SCHIP1: variants seen among roughly 807,000 people sequenced by gnomAD.
SCHIP1 encodes schwannomin interacting protein 1.
SCHIP1 carries 8 observed loss-of-function variants against 29.7 expected under a neutral mutation model. That is an observed-to-expected ratio of 0.27 (90% CI 0.16 to 0.49). SCHIP1 has a LOEUF of 0.49. SCHIP1 is among the 20% of genes least tolerant of loss of function. The pLI, the probability that SCHIP1 is intolerant of heterozygous loss-of-function variation, is 0.99. For synonymous variants in SCHIP1, 76 were observed against 94.9 expected (o/e 0.80, Z 1.16); for missense variants, 193 against 294.6 (o/e 0.66, Z 2.52).
the SCHIP1 span, among the ~76,000 whole-genome samples, chr3:159,449,575 A>G: frequency 6.6e-6 from 1 of 152,206 alleles, no homozygotes; most frequent in Non-Finnish European, 1.5e-5. Flanking sequence ...TTATATGGAT[A>G]AGAAAAGGCC....
At chr3:159,685,927 T>C in the SCHIP1 span, among the ~76,000 whole-genome samples, 5 of 152,104 alleles carry the variant, frequency 3.3e-5, no homozygotes, top group Admixed American at 1.3e-4. Context: ...CAAGAATAAA[T>C]GAGAGCACAG....
the SCHIP1 span, among the ~76,000 whole-genome samples, chr3:159,799,582 G>A: frequency 6.6e-6 from 1 of 152,204 alleles, no homozygotes; most frequent in Non-Finnish European, 1.5e-5. Flanking sequence ...AGGTTTAAGT[G>A]TGATAATAAG....
the SCHIP1 span, among the ~76,000 whole-genome samples, chr3:159,303,476 AAAAG>A: frequency 6.6e-6 from 1 of 151,746 alleles, no homozygotes; most frequent in African/African-American, 2.4e-5. Flanking sequence ...CAAAGAAAAG[AAAAG>A]AAAGAGAAAG....
the SCHIP1 span, among the ~76,000 whole-genome samples, chr3:159,598,407 A>T: frequency 1.3e-5 from 2 of 152,212 alleles, no homozygotes; most frequent in East Asian, 3.9e-4. Flanking sequence ...GGCATTGGAT[A>T]AATGCTCCTG....
the SCHIP1 span, among the ~76,000 whole-genome samples, chr3:159,494,854 T>G: frequency 6.6e-6 from 1 of 152,174 alleles, no homozygotes; most frequent in African/African-American, 2.4e-5. Flanking sequence ...GCAAAAATCC[T>G]CAATACAATA....
At chr3:159,402,338 G>A in the SCHIP1 span, among the ~76,000 whole-genome samples, 1 of 152,196 alleles carries the variant, frequency 6.6e-6, no homozygotes. Flanking sequence ...TGGTGGGACT[G>A]TAAACTAGTT....
the SCHIP1 span, among the ~76,000 whole-genome samples, chr3:159,691,779 T>G: frequency 6.6e-6 from 1 of 152,210 alleles, no homozygotes; most frequent in Admixed American, 6.5e-5. Flanking sequence ...TCATGAGCTC[T>G]TGTAAGGTAG....
At chr3:159,884,355 G>GTGTGTGTGTC (rs1439959731) in intron 2 of SCHIP1, among the ~76,000 whole-genome samples, 34 of 147,398 alleles carry the variant, frequency 2.3e-4, no homozygotes, top group African/African-American at 8.4e-4. Context: ...GTGTCTGTGT[G>GTGTGTGTGTC]TGTGTGTGTG....
At chr3:159,673,646 C>T in the SCHIP1 span, among the ~76,000 whole-genome samples, 1 of 152,180 alleles carries the variant, frequency 6.6e-6, no homozygotes, top group African/African-American at 2.4e-5. Flanking sequence ...CCTTCTAGGT[C>T]CCCTGAAAGG....
chr3:159,815,869 G>A, the SCHIP1 span, among the ~76,000 whole-genome samples: 1 of 152,042 alleles, frequency 6.6e-6, no homozygotes, highest in Non-Finnish European at 1.5e-5. Flanking sequence ...CATCCCAGAT[G>A]CCACCCCCGT....
At chr3:159,695,435 C>A in the SCHIP1 span, among the ~76,000 whole-genome samples, 1 of 152,164 alleles carries the variant, frequency 6.6e-6, no homozygotes, top group African/African-American at 2.4e-5. Flanking sequence ...CCCACTGTCA[C>A]TCCAATCCTG....
the SCHIP1 span, among the ~76,000 whole-genome samples, chr3:159,781,395 C>T: frequency 0.059 from 8,949 of 152,134 alleles, 350 homozygotes; most frequent in South Asian, 0.2. Flanking sequence ...AGGCTGGTCT[C>T]GAACTCCTGA....
At chr3:159,472,466 TGCA>T in the SCHIP1 span, among the ~76,000 whole-genome samples, 2 of 152,202 alleles carry the variant, frequency 1.3e-5, no homozygotes, top group Non-Finnish European at 2.9e-5. Context: ...GGTATTTACA[TGCA>T]GCAGCCTTTT....
chr3:159,505,424 T>C, the SCHIP1 span, among the ~76,000 whole-genome samples: 2 of 152,154 alleles, frequency 1.3e-5, no homozygotes, highest in African/African-American at 4.8e-5. Context: ...TTGGGGGACA[T>C]GTGATATCTG....
chr3:159,635,390 AGTAG>A, the SCHIP1 span, among the ~76,000 whole-genome samples: 1 of 152,192 alleles, frequency 6.6e-6, no homozygotes, highest in East Asian at 1.9e-4. Flanking sequence ...AGGCCAGAAG[AGTAG>A]CTGTACCTAA....
chr3:159,480,540 A>G, the SCHIP1 span, among the ~76,000 whole-genome samples: 1 of 152,148 alleles, frequency 6.6e-6, no homozygotes, highest in South Asian at 2.1e-4. Context: ...TTCTTTGGGA[A>G]TTTTGTGGGT....
chr3:159,380,661 A>G, the SCHIP1 span, among the ~76,000 whole-genome samples: 1 of 152,136 alleles, frequency 6.6e-6, no homozygotes, highest in African/African-American at 2.4e-5. Context: ...GCCAAGTGCC[A>G]GGCTTTATAT....
the SCHIP1 span, among the ~76,000 whole-genome samples, chr3:159,443,113 A>G: frequency 6.6e-6 from 1 of 152,090 alleles, no homozygotes. Context: ...TAAACCTGCC[A>G]CCTCTAGTTT....
At chr3:159,721,880 G>C in the SCHIP1 span, 1 of 427,332 alleles carries the variant, frequency 2.3e-6, no homozygotes, top group South Asian at 1.8e-5. Flanking sequence ...TCAGCATCTG[G>C]CTAGAAAGCA....
Sources: gnomAD v4.1 joint callset for allele counts (sites outside exome capture counted in the v4.1 genomes callset) on GRCh38, gnomAD v4.1.1 for gene constraint, MANE v1.5 for transcripts, NCBI Gene and HGNC (gene_info 2026-07-23, HGNC 2026-07-21) for gene names.